The following SPATA13 variants were observed in gnomAD, a reference collection of about 807,000 sequenced individuals.
SPATA13 encodes the protein spermatogenesis-associated protein 13.
In SPATA13, 50 loss-of-function variants were observed where a neutral mutation model predicts 104.0. That is an observed-to-expected ratio of 0.48 (90% CI 0.38 to 0.61). SPATA13 has a LOEUF of 0.61. SPATA13 is among the 20% of genes least tolerant of loss of function. The pLI is 0.00. For synonymous variants in SPATA13, 606 were observed against 667.5 expected, an observed-to-expected ratio of 0.91 and a Z score of 1.42; for missense variants, 1,524 against 1,690.6, an observed-to-expected ratio of 0.90 and a Z score of 1.73.
intron 1 of SPATA13, among the ~76,000 whole-genome samples, chr13:24,208,451 C>T (rs1378369020): frequency 6.6e-6 from 1 of 152,172 alleles, no homozygotes; most frequent in Non-Finnish European, 1.5e-5. Flanking sequence ...GCTCCTAGCA[C>T]TCCAGTGAGT....
At chr13:24,038,087 AT>A (rs559343792) in intron 3 of SPATA13, among the ~76,000 whole-genome samples, 3 of 150,790 alleles carry the variant, frequency 2.0e-5, no homozygotes, top group Non-Finnish European at 3.0e-5. Flanking sequence ...AATTTTTTGT[AT>A]TTTTTTAGTA....
chr13:24,097,739 G>T (rs149399241), intron 3 of SPATA13, among the ~76,000 whole-genome samples: 3 of 152,328 alleles, frequency 2.0e-5, no homozygotes, highest in African/African-American at 7.2e-5. Flanking sequence ...ATCATGTAAG[G>T]AGAGGGACCC....
intron 3 of SPATA13, among the ~76,000 whole-genome samples, chr13:24,079,779 T>C (rs1220323252): frequency 6.6e-6 from 1 of 152,216 alleles, no homozygotes; most frequent in Non-Finnish European, 1.5e-5. Context: ...GGACTCATCT[T>C]ATAGAATTGC....
chr13:24,089,644 T>C (rs994187033), intron 3 of SPATA13, among the ~76,000 whole-genome samples: 1 of 152,210 alleles, frequency 6.6e-6, no homozygotes, highest in African/African-American at 2.4e-5. Context: ...ATTTTTAATA[T>C]CAGTGCAGTC....
chr13:24,065,557 T>C (rs1878925922), intron 3 of SPATA13, among the ~76,000 whole-genome samples: 1 of 149,844 alleles, frequency 6.7e-6, no homozygotes, highest in Non-Finnish European at 1.5e-5. Context: ...CATATATGAA[T>C]ATTAGCAAGT....
In SPATA13 at chr13:24,078,040, C is replaced by A. The variant is rs563449230; in HGVS notation, c.-112+60339C>A. ...CACTAACTTTGCAAACCGGTCCCAG[C>A]GTCCATGAGTTTTCATGGAGTTTCC... On this transcript the variant is annotated intron_variant, in intron 3 of 14. Transcript: ENST00000424834. 7.2e-4 allele frequency among the ~76,000 whole-genome samples: 110 copies of A among 152,268 alleles called. 2 individuals are homozygous for A. Among genetic ancestry groups the A allele is most frequent in the African/African-American group, 2.4e-3 (98 of 41,558 alleles).
chr13:24,301,035 C>A (rs1259517671), intron 12 of SPATA13, among the ~76,000 whole-genome samples: 1 of 152,110 alleles, frequency 6.6e-6, no homozygotes, highest in Non-Finnish European at 1.5e-5. Context: ...GGAAGCTGTT[C>A]AAAAATGCTG....
At chr13:24,084,397 G>A (rs1879653499) in intron 3 of SPATA13, among the ~76,000 whole-genome samples, 2 of 152,210 alleles carry the variant, frequency 1.3e-5, no homozygotes, top group Admixed American at 6.5e-5. Flanking sequence ...CAGGATGCCC[G>A]GGGAAGAAAT....
intron 1 of SPATA13, among the ~76,000 whole-genome samples, chr13:24,191,501 CTTTTTTTTTTTTTTTT>C (rs57437676): frequency 5.9e-5 from 4 of 67,422 alleles, no homozygotes; most frequent in South Asian, 8.1e-4. Flanking sequence ...ACATTGCTTT[CTTTTTTTTTTTTTTTT>C]TTTTTTTTTT....
intron 3 of SPATA13, among the ~76,000 whole-genome samples, chr13:24,120,951 A>G (rs374568027): frequency 4.6e-5 from 7 of 152,282 alleles, no homozygotes; most frequent in African/African-American, 1.7e-4. Flanking sequence ...CCTGGGGTCT[A>G]GGTCTGAGGA....
rs776988973 is a variant in SPATA13, at chr13:24,289,009, G to A, written c.2678G>A (p.Arg893Gln). 1.1e-5 allele frequency: 18 copies of A among 1,606,694 alleles called. No individual in the cohort carries two copies. The highest frequency in any genetic ancestry group is 4.5e-5 in the South Asian group (4 of 89,626). Residue 893 changes from arginine to glutamine, a missense_variant, in exon 8 of 13, where the codon CGA becomes CAA. By Grantham distance (43) the Arg-to-Gln change is conservative. This residue lies in a region of SPATA13 where 435 missense variants were observed against 554.8 expected (regional missense o/e 0.78). Coordinates refer to ENST00000382108, the MANE Select transcript of SPATA13 (RefSeq NM_001166271.3). ...HLRDICEGYIRQCRKHTGMFT... is the reference protein window; with the variant it reads ...HLRDICEGYIQQCRKHTGMFT... The stretch of plus-strand genomic sequence containing the variant: ...TTCTGTATTTTGCAGGGCTATATCC[G>A]ACAGTGCCGCAAGCACACAGGAATG...
upstream of SPATA13, among the ~76,000 whole-genome samples, chr13:24,160,113 C>T (rs1882405705): frequency 6.6e-6 from 1 of 152,226 alleles, no homozygotes; most frequent in African/African-American, 2.4e-5. Context: ...AATCCCTACC[C>T]TGCGTTTTCC....
chr13:24,029,692 GGTTT>G lies in SPATA13; in HGVS notation c.-112+11995_-112+11998del, dbSNP rs568988260. On this transcript the variant is annotated intron_variant, in intron 3 of 14. Coordinates refer to the SPATA13 transcript ENST00000424834. Reference sequence around the variant, plus strand: ...TAAATACACACACTTGTGTCATGGGGGTTTGTTGTACAGATTATTTCATCACCCA... The same window carrying G: ...TAAATACACACACTTGTGTCATGGGGGTTGTACAGATTATTTCATCACCCA... Among the ~76,000 whole-genome samples the G allele has an allele frequency of 1.3e-3, 205 of 152,062 alleles. 1 individual carries two copies. Among genetic ancestry groups the G allele is most frequent in the African/African-American group, 4.6e-3 (191 of 41,460 alleles).
At chr13:24,133,327 G>A (rs4770597) in intron 3 of SPATA13, among the ~76,000 whole-genome samples, 87,868 of 152,084 alleles carry the variant, frequency 0.58, 25,659 homozygotes, top group African/African-American at 0.63. Context: ...TGTAAGCCCA[G>A]TTGGAAATAG....
intron 2 of SPATA13, among the ~76,000 whole-genome samples, chr13:24,232,034 G>A (rs1872305867): frequency 6.6e-6 from 1 of 152,120 alleles, no homozygotes; most frequent in South Asian, 2.1e-4. Flanking sequence ...TGATTATTCA[G>A]GGTTCTCCAG....
At chr13:24,239,269 C>T (rs1872716718) in intron 2 of SPATA13, among the ~76,000 whole-genome samples, 1 of 152,096 alleles carries the variant, frequency 6.6e-6, no homozygotes, top group Non-Finnish European at 1.5e-5. Context: ...TGGCTGACTT[C>T]CTTATCTGAA....
At chr13:24,162,888 C>T (rs1882564614) in intron 1 of SPATA13, among the ~76,000 whole-genome samples, 1 of 152,182 alleles carries the variant, frequency 6.6e-6, no homozygotes, top group South Asian at 2.1e-4. Context: ...TGGAGTTTAG[C>T]TTTGGAAAGG....
At chr13:24,250,852 A>G (rs1225041175) in intron 3 of SPATA13, among the ~76,000 whole-genome samples, 1 of 152,226 alleles carries the variant, frequency 6.6e-6, no homozygotes, top group Non-Finnish European at 1.5e-5. Flanking sequence ...TTAACTCAGA[A>G]CAATAGTCCA....
intron 2 of SPATA13, among the ~76,000 whole-genome samples, chr13:24,243,085 A>G (rs1166726116): frequency 6.6e-6 from 1 of 152,206 alleles, no homozygotes; most frequent in Admixed American, 6.5e-5. Context: ...CTAACCCGGG[A>G]GTTTTAGATA....
Sources: gnomAD v4.1 joint callset for allele counts (sites outside exome capture counted in the v4.1 genomes callset) on GRCh38, gnomAD v4.1.1 for gene constraint, gnomAD v4.1.1 regional missense constraint, MANE v1.5 for transcripts, NCBI Gene and HGNC (gene_info 2026-07-23, HGNC 2026-07-21) for gene names.